The following CDH1 variants were observed in gnomAD, a reference collection of about 807,000 sequenced individuals.
CDH1 encodes the protein cadherin 1.
A neutral mutation model predicts 84.5 loss-of-function variants in CDH1; 35 were observed. That is an observed-to-expected ratio of 0.41 (90% CI 0.32 to 0.55). The LOEUF (loss-of-function observed/expected upper bound fraction) is 0.55, where lower values mean the gene tolerates loss of function less well. Ranked by LOEUF, CDH1 falls within the 20% of genes least tolerant of loss-of-function variation. The pLI is 0.19. For synonymous variants in CDH1, 417 were observed against 439.0 expected (o/e 0.95, Z 0.63); for missense variants, 994 against 1,126.6 (o/e 0.88, Z 1.68).
chr16:68,793,537 C>G (rs1319858953), intron 2 of CDH1, among the ~76,000 whole-genome samples: 16 of 152,170 alleles, frequency 1.1e-4, no homozygotes, highest in Non-Finnish European at 1.5e-5. Context: ...CAGACTACAG[C>G]TTCCGTCACT....
At chr16:68,758,862 C>G (rs1307909549) in intron 2 of CDH1, among the ~76,000 whole-genome samples, 2 of 150,628 alleles carry the variant, frequency 1.3e-5, no homozygotes, top group African/African-American at 4.9e-5. Context: ...CTGGTGCCAT[C>G]TCGGCTCACT....
chr16:68,815,464 T>A (rs769933547), intron 9 of CDH1, 51 bp from the exon 10 acceptor site: 8 of 1,612,002 alleles, frequency 5.0e-6, no homozygotes, highest in Non-Finnish European at 5.9e-6. Context: ...TTATTTTTAC[T>A]AACACAAAAT....
intron 13 of CDH1, among the ~76,000 whole-genome samples, chr16:68,826,773 G>C (rs564452647): frequency 1.3e-5 from 2 of 152,290 alleles, no homozygotes; most frequent in Admixed American, 1.3e-4. Context: ...TGCTTTGCAT[G>C]GATGGGGACT....
At chr16:68,802,598 G>A (rs1235125783) in intron 3 of CDH1, among the ~76,000 whole-genome samples, 1 of 151,992 alleles carries the variant, frequency 6.6e-6, no homozygotes, top group East Asian at 1.9e-4. Flanking sequence ...CACCTCCTGA[G>A]TAGCTGGGAT....
At chr16:68,808,951 G>A in intron 5 of CDH1, 103 bp downstream of exon 5, 1 of 1,095,050 alleles carries the variant, frequency 9.1e-7, no homozygotes. Context: ...GAACACATGA[G>A]GAGCTTAACT....
intron 2 of CDH1, among the ~76,000 whole-genome samples, chr16:68,739,244 C>G (rs537307021): frequency 2.2e-4 from 34 of 152,052 alleles, no homozygotes; most frequent in Non-Finnish European, 8.8e-5. Context: ...GAAACCCCAT[C>G]TCTACTAAAT....
chr16:68,798,521 G>A (rs533883962), intron 2 of CDH1, among the ~76,000 whole-genome samples: 1 of 152,182 alleles, frequency 6.6e-6, no homozygotes, highest in African/African-American at 2.4e-5. Flanking sequence ...TCGTCATACT[G>A]TCACTTCTCA....
chr16:68,757,624 C>T (rs1383283018), intron 2 of CDH1, among the ~76,000 whole-genome samples: 1 of 152,148 alleles, frequency 6.6e-6, no homozygotes, highest in South Asian at 2.1e-4. Context: ...CTATGAGCTT[C>T]TCTTAGAGAA....
chr16:68,820,156 G>A (rs545436007), intron 11 of CDH1, among the ~76,000 whole-genome samples: 20 of 151,834 alleles, frequency 1.3e-4, no homozygotes, highest in Middle Eastern at 3.4e-3. Context: ...CCAAGATTGC[G>A]CCACTGCTCT....
chr16:68,815,418 A>G, intron 9 of CDH1, 97 bp from the exon 10 acceptor site: 2 of 1,495,494 alleles, frequency 1.3e-6, no homozygotes, highest in Non-Finnish European at 1.8e-6. Flanking sequence ...GCACCAACCT[A>G]ATATATTACC....
At chr16:68,756,886 C>T (rs1963030794) in intron 2 of CDH1, among the ~76,000 whole-genome samples, 1 of 152,084 alleles carries the variant, frequency 6.6e-6, no homozygotes, top group Non-Finnish European at 1.5e-5. Context: ...CCTGTGATCC[C>T]AGCTTCATGG....
At chr16:68,774,348 C>T (rs1316975993) in intron 2 of CDH1, among the ~76,000 whole-genome samples, 1 of 152,144 alleles carries the variant, frequency 6.6e-6, no homozygotes, top group Non-Finnish European at 1.5e-5. Flanking sequence ...GGTGAAACCC[C>T]ATCTCTACTA....
At chr16:68,759,329 T>A (rs531337110) in intron 2 of CDH1, among the ~76,000 whole-genome samples, 1 of 152,024 alleles carries the variant, frequency 6.6e-6, no homozygotes, top group Non-Finnish European at 1.5e-5. Flanking sequence ...AAGACCCCCA[T>A]CTCTACCAAT....
At position 68,822,354 on chromosome 16, in the gene CDH1, G is replaced by T. The variant is rs908071275; in HGVS notation, c.1936+129G>T. 75 of 730,248 alleles carry T rather than the reference G, an allele frequency of 1.0e-4. No homozygotes were observed. The Middle Eastern group carries it at 1.4e-3, about 14-fold the overall frequency. 45.2% of individuals were successfully genotyped at this position (730,248 alleles called of 1,614,324 possible). Reference sequence around the variant, plus strand: ...CCCTTCCATTGATACTTGCTTCCTTGTCCCTTCTGTCTTTGAGGCCTTGCT... The same window carrying T: ...CCCTTCCATTGATACTTGCTTCCTTTTCCCTTCTGTCTTTGAGGCCTTGCT... On this transcript the variant is annotated intron_variant, in intron 12 of 15. Transcript: ENST00000261769.
At chr16:68,741,051 T>C (rs1962551129) in intron 2 of CDH1, among the ~76,000 whole-genome samples, 1 of 149,250 alleles carries the variant, frequency 6.7e-6, no homozygotes, top group African/African-American at 2.5e-5. Context: ...GGGGTGGTGA[T>C]GATGGAGATG....
chr16:68,768,773 C>T (rs1185098430), intron 2 of CDH1, among the ~76,000 whole-genome samples: 1 of 152,120 alleles, frequency 6.6e-6, no homozygotes, highest in Non-Finnish European at 1.5e-5. Flanking sequence ...TATACATCCT[C>T]CTAGAAGTAA....
intron 2 of CDH1, among the ~76,000 whole-genome samples, chr16:68,745,549 A>AAAT (rs1555510453): frequency 1.1e-4 from 8 of 75,180 alleles, no homozygotes; most frequent in East Asian, 4.0e-4. Flanking sequence ...AAAAAAAAAA[A>AAAT]ATATATATAT....
intron 2 of CDH1, among the ~76,000 whole-genome samples, chr16:68,779,195 C>T (rs1244390968): frequency 3.9e-5 from 6 of 152,200 alleles, no homozygotes; most frequent in African/African-American, 4.8e-5. Context: ...ACCTGCAGTG[C>T]GGGCTTGACT....
chr16:68,815,810 C>T (rs749832545), intron 10 of CDH1, 51 bp downstream of exon 10: 3 of 1,594,722 alleles, frequency 1.9e-6, no homozygotes, highest in Non-Finnish European at 2.6e-6. Flanking sequence ...TATTTTATAT[C>T]ATTTTATATG....
Sources: allele counts gnomAD v4.1 joint callset (sites outside exome capture counted in the v4.1 genomes callset), GRCh38; gene constraint gnomAD v4.1.1; transcripts MANE v1.5; gene names NCBI Gene and HGNC (gene_info 2026-07-23, HGNC 2026-07-21).